TEKTL1: variants seen among roughly 807,000 people sequenced by gnomAD.
The protein encoded by TEKTL1 is tektin like 1, also known as tektin-like protein 1.
chr19:15,011,405 T>G, the TEKTL1 span: 1 of 1,412,776 alleles, frequency 7.1e-7, no homozygotes, highest in Admixed American at 3.5e-5. Context: ...GGTGGGACCC[T>G]CCCCCACGCC....
the TEKTL1 span, chr19:15,023,093 C>T: frequency 1.2e-6 from 2 of 1,607,810 alleles, no homozygotes; most frequent in Non-Finnish European, 1.7e-6. Flanking sequence ...GCCGCCGCCG[C>T]GCAGCAAGAG....
the TEKTL1 span, chr19:15,023,042 G>T: frequency 1.2e-6 from 2 of 1,612,212 alleles, no homozygotes; most frequent in South Asian, 2.2e-5. Flanking sequence ...CGTGTGCTAC[G>T]AGCAGGCGCA....
chr19:15,015,574 C>T, the TEKTL1 span, among the ~76,000 whole-genome samples: 1 of 152,164 alleles, frequency 6.6e-6, no homozygotes, highest in Non-Finnish European at 1.5e-5. Flanking sequence ...ATTTCCTTCT[C>T]TCTTGGCTCA....
the TEKTL1 span, chr19:15,011,389 T>G: frequency 2.1e-6 from 3 of 1,430,122 alleles, no homozygotes; most frequent in Non-Finnish European, 2.7e-6. Context: ...GGCCCAAGTC[T>G]GAGAAGGTGG....
At chr19:15,015,827 T>C in the TEKTL1 span, among the ~76,000 whole-genome samples, 2 of 152,174 alleles carry the variant, frequency 1.3e-5, no homozygotes, top group African/African-American at 4.8e-5. Flanking sequence ...AAGGTTAAAA[T>C]AGAAACATGT....
At chr19:15,011,441 G>C in the TEKTL1 span, 3 of 1,377,338 alleles carry the variant, frequency 2.2e-6, no homozygotes, top group East Asian at 2.9e-5. Context: ...TGCAAAGACT[G>C]AGGCCTCCGC....
the TEKTL1 span, chr19:15,011,459 T>C: frequency 7.6e-7 from 1 of 1,310,684 alleles, no homozygotes; most frequent in Non-Finnish European, 9.9e-7. Context: ...CGCTATGCGG[T>C]GTCCAGCCCC....
At chr19:15,021,679 C>T in the TEKTL1 span, 3 of 1,613,912 alleles carry the variant, frequency 1.9e-6, no homozygotes, top group African/African-American at 2.7e-5. Flanking sequence ...GAAATATAAC[C>T]AAGAGTTGTA....
At chr19:15,022,826 TAGC>T in the TEKTL1 span, 1 of 1,533,004 alleles carries the variant, frequency 6.5e-7, no homozygotes, top group East Asian at 2.5e-5. Context: ...CCACGCCAGG[TAGC>T]CATCTGCTCT....
At chr19:15,015,088 G>A in the TEKTL1 span, among the ~76,000 whole-genome samples, 2 of 152,164 alleles carry the variant, frequency 1.3e-5, no homozygotes, top group Non-Finnish European at 2.9e-5. Context: ...TCAGGAGGCT[G>A]AGGGAGGAGG....
chr19:15,021,944 C>G, the TEKTL1 span: 4 of 1,564,464 alleles, frequency 2.6e-6, no homozygotes, highest in South Asian at 4.5e-5. Context: ...CCGTACCCCT[C>G]TAGGCCCAGC....
the TEKTL1 span, chr19:15,010,795 C>G: frequency 6.7e-7 from 1 of 1,498,662 alleles, no homozygotes; most frequent in Non-Finnish European, 8.9e-7. Flanking sequence ...GCCTAGGGTT[C>G]CCGGCCAGGC....
At chr19:15,020,312 A>AT in the TEKTL1 span, 1 of 719,530 alleles carries the variant, frequency 1.4e-6, no homozygotes, top group Non-Finnish European at 2.3e-6. Flanking sequence ...TGTCTCAAAA[A>AT]AAAAAAAAAA....
At chr19:15,019,960 AAC>A in the TEKTL1 span, among the ~76,000 whole-genome samples, 2 of 148,176 alleles carry the variant, frequency 1.3e-5, no homozygotes, top group South Asian at 2.3e-4. Flanking sequence ...TGTGTCTCAA[AAC>A]AAAAAAAAAT....
chr19:15,012,005 C>T, the TEKTL1 span, among the ~76,000 whole-genome samples: 1 of 151,862 alleles, frequency 6.6e-6, no homozygotes, highest in African/African-American at 2.4e-5. Flanking sequence ...CCTGTAATCC[C>T]AGCATTTTGG....
At chr19:15,019,997 A>T in the TEKTL1 span, among the ~76,000 whole-genome samples, 5 of 142,052 alleles carry the variant, frequency 3.5e-5, no homozygotes, top group South Asian at 1.2e-3. Flanking sequence ...CATAAGTAAA[A>T]ACCTTTACCA....
the TEKTL1 span, chr19:15,021,826 C>T: frequency 6.2e-7 from 1 of 1,614,054 alleles, no homozygotes; most frequent in Non-Finnish European, 8.5e-7. Context: ...CGAAAGTTCA[C>T]CTGGAGACCG....
At chr19:15,014,235 C>T in the TEKTL1 span, among the ~76,000 whole-genome samples, 1 of 152,200 alleles carries the variant, frequency 6.6e-6, no homozygotes, top group African/African-American at 2.4e-5. Flanking sequence ...GCAATGAGAA[C>T]TTCTTCATGA....
the TEKTL1 span, chr19:15,023,189 C>T: frequency 1.4e-6 from 2 of 1,393,272 alleles, no homozygotes; most frequent in Non-Finnish European, 1.9e-6. Context: ...CAGACACAGC[C>T]CCATGGCCCT....
Sources: gnomAD v4.1 joint callset for allele counts (sites outside exome capture counted in the v4.1 genomes callset) on GRCh38, gnomAD v4.1.1 for gene constraint, MANE v1.5 for transcripts, NCBI Gene and HGNC (gene_info 2026-07-23, HGNC 2026-07-21) for gene names.